Variants in OGA observed in about 807,000 individuals in gnomAD.
OGA encodes the protein O-GlcNAcase.
A neutral mutation model predicts 102.0 loss-of-function variants in OGA; 21 were observed. The observed-to-expected ratio is 0.21, with a 90% CI of 0.15 to 0.30. The LOEUF (loss-of-function observed/expected upper bound fraction) is 0.30, where lower values mean the gene tolerates loss of function less well. Among genes scored for constraint, OGA ranks in the 10% least tolerant of loss-of-function variants. The pLI, the probability that OGA is intolerant of heterozygous loss-of-function variation, is 1.00. For synonymous variants in OGA, 408 were observed against 378.2 expected, an observed-to-expected ratio of 1.08 and a Z score of -0.91; for missense variants, 765 against 1,107.8, an observed-to-expected ratio of 0.69 and a Z score of 4.39.
intron 14 of OGA, 109 bp downstream of exon 14, chr10:101,790,787 T>C: frequency 1.3e-6 from 1 of 757,192 alleles, no homozygotes; most frequent in Non-Finnish European, 2.0e-6. Flanking sequence ...ACTAAGATTT[T>C]ATGATGTATC....
intron 6 of OGA, among the ~76,000 whole-genome samples, chr10:101,805,655 CA>C (rs976862193): frequency 7.1e-3 from 575 of 80,726 alleles, no homozygotes; most frequent in Non-Finnish European, 0.011. Context: ...TGCTCTGTCT[CA>C]AAAAAAAAAA....
Position 101,786,591 on chromosome 10 carries a change from G to A in OGA, c.2615-4C>T, listed in dbSNP as rs560783908. On this transcript the variant is annotated splice_polypyrimidine_tract_variant and splice_region_variant and intron_variant, in intron 15 of 15. Coordinates refer to ENST00000361464, the MANE Select transcript of OGA (RefSeq NM_012215.5). ...TCACAGAAAGCTCCCCGGGAGCCTA[G>A]AAATAAAACAAATATTCAAAACATA... is the stretch of plus-strand genomic sequence containing the variant. 2 of 1,575,898 alleles carry A rather than the reference G, an allele frequency of 1.3e-6. No homozygotes were observed. Among genetic ancestry groups the A allele is most frequent in the African/African-American group, 2.7e-5 (2 of 72,982 alleles).
At chr10:101,815,527 G>A (rs2065610560) in intron 1 of OGA, among the ~76,000 whole-genome samples, 1 of 151,806 alleles carries the variant, frequency 6.6e-6, no homozygotes, top group African/African-American at 2.4e-5. Context: ...CTCGTGATCC[G>A]CCCGCCTCGG....
intron 1 of OGA, among the ~76,000 whole-genome samples, chr10:101,816,401 A>G (rs1252483656): frequency 6.6e-6 from 1 of 152,236 alleles, no homozygotes; most frequent in African/African-American, 2.4e-5. Flanking sequence ...AATAGGAAGA[A>G]TCGCCTTTTA....
At chr10:101,810,111 C>T (rs965794931) in intron 4 of OGA, 73 bp downstream of exon 4, 59 of 1,340,788 alleles carry the variant, frequency 4.4e-5, no homozygotes, top group Non-Finnish European at 5.4e-5. Flanking sequence ...CTTTTAACAT[C>T]GTAAAAGCAA....
Position 101,787,366 on chromosome 10 carries a change from T to C in OGA, c.2612A>G (p.Asn871Ser). 2 of 1,612,338 alleles carry C rather than the reference T, an allele frequency of 1.2e-6. No homozygotes were observed. Among genetic ancestry groups the C allele is most frequent in the Non-Finnish European group, 1.7e-6 (2 of 1,178,470 alleles). Residue 871 changes from asparagine to serine, a missense_variant and splice_region_variant, in exon 15 of 16, where the codon AAT becomes AGT. Transcript: ENST00000361464. ...CAACTCCACAAATATGTACTCACCATTAGCCTTCAGTGAAGACAGGAGGCA... is the reference window on the plus strand; with the variant it reads ...CAACTCCACAAATATGTACTCACCACTAGCCTTCAGTGAAGACAGGAGGCA... ...MACLLSSLKA[N>S]GSRGAFCEVR...
At chr10:101,812,970 T>G (rs746544137) in intron 3 of OGA, 60 bp downstream of exon 3, 2 of 1,287,354 alleles carry the variant, frequency 1.6e-6, no homozygotes, top group African/African-American at 2.9e-5. Context: ...ACAACTACAT[T>G]TAAAATATAA....
chr10:101,816,313 TCA>T (rs2065624474), intron 1 of OGA, among the ~76,000 whole-genome samples: 1 of 152,084 alleles, frequency 6.6e-6, no homozygotes, highest in Non-Finnish European at 1.5e-5. Context: ...GCTCAGGTGC[TCA>T]GTCACTAAGA....
chr10:101,788,109 C>A lies in OGA; in HGVS notation c.2455-586G>T, dbSNP rs1183309256. Reference sequence around the variant, plus strand: ...TGGCGCCACTGCACTCCAGCCTGGGCAACAGAGCGAGACTCTGTCTTAAAA... The same window carrying A: ...TGGCGCCACTGCACTCCAGCCTGGGAAACAGAGCGAGACTCTGTCTTAAAA... On this transcript the variant is annotated intron_variant, in intron 14 of 15. Transcript: ENST00000361464. 20 of 144,590 alleles carry A rather than the reference C, an allele frequency of 1.4e-4. No individual in the cohort carries two copies. The Admixed American group carries it at 1.4e-3, about 10-fold the overall frequency. The allele number at this position is 144,590 out of a possible 1,614,324, so 9.0% of individuals were successfully genotyped here. A position where few individuals can be genotyped will look rare whatever the true frequency, so the allele number is the denominator to read the frequency against.
chr10:101,791,992 AATTTAGT>A (rs1219238324), intron 12 of OGA, among the ~76,000 whole-genome samples: 1 of 151,542 alleles, frequency 6.6e-6, no homozygotes, highest in Non-Finnish European at 1.5e-5. Context: ...ACGCCCAGCT[AATTTAGT>A]ATTATTTTTT....
At chr10:101,796,157 G>A (rs575460309) in intron 10 of OGA, among the ~76,000 whole-genome samples, 1 of 152,264 alleles carries the variant, frequency 6.6e-6, no homozygotes, top group African/African-American at 2.4e-5. Flanking sequence ...TGAATTATAA[G>A]AACCTGAGCA....
At position 101,817,969 on chromosome 10, in the gene OGA, G is replaced by C. The variant is rs41291488; in HGVS notation, c.54C>G (p.Ser18Arg). 1.2e-6 allele frequency: 2 copies of C among 1,604,684 alleles called. No individual in the cohort carries two copies. The highest frequency in any genetic ancestry group is 1.7e-6 in the Non-Finnish European group (2 of 1,175,022). Residue 18 changes from serine (S) to arginine (R), a missense_variant, in exon 1 of 16, where the codon AGC (serine) becomes AGG (arginine). By Grantham distance (110) the Ser-to-Arg change is moderately radical. This residue lies in a region of OGA where 117 missense variants were observed against 85.7 expected (regional missense o/e 1.36). Transcript: ENST00000361464. ...ATLEERESEL[S>R]SNPAASAGAS... ...CCCCCGCAGAGGCGGCAGGGTTGGA[G>C]CTGAGCTCGCTCTCCCGCTCCTCCA...
chr10:101,796,337 C>T (rs1008603848), intron 10 of OGA, among the ~76,000 whole-genome samples: 6 of 152,246 alleles, frequency 3.9e-5, no homozygotes, highest in African/African-American at 1.4e-4. Context: ...TCTCGGCTCA[C>T]TGCAACCTCC....
At chr10:101,794,208 G>C (rs1302355670) in intron 10 of OGA, 3 of 360,078 alleles carry the variant, frequency 8.3e-6, no homozygotes, top group Non-Finnish European at 1.0e-5. Context: ...TGAATAATCA[G>C]TATTATCAGT....
chr10:101,816,084 C>T (rs906456778), intron 1 of OGA, among the ~76,000 whole-genome samples: 6 of 148,822 alleles, frequency 4.0e-5, no homozygotes, highest in Non-Finnish European at 8.9e-5. Context: ...CCTGCCTGGG[C>T]AACACGGTGA....
chr10:101,789,695 C>T (rs1410291365), intron 14 of OGA, among the ~76,000 whole-genome samples: 1 of 152,082 alleles, frequency 6.6e-6, no homozygotes, highest in Non-Finnish European at 1.5e-5. Context: ...ATATACTGGC[C>T]AGGCACAGTG....
chr10:101,806,523 C>T (rs1479309404), intron 5 of OGA, among the ~76,000 whole-genome samples: 1 of 152,162 alleles, frequency 6.6e-6, no homozygotes, highest in African/African-American at 2.4e-5. Flanking sequence ...AAATTATTTT[C>T]ATCTAAATGA....
At chr10:101,788,417 CG>C (rs1316246946) in intron 14 of OGA, among the ~76,000 whole-genome samples, 4 of 71,992 alleles carry the variant, frequency 5.6e-5, no homozygotes, top group African/African-American at 1.6e-4. Flanking sequence ...CCAGCCTGGG[CG>C]GGGAAAAAAA....
rs11191119 is a variant in OGA at position 101,815,962 on chromosome 10, A to G, written c.199+1862T>C. Among the ~76,000 whole-genome samples, 9 of 67,032 alleles carry G rather than the reference A, an allele frequency of 1.3e-4. 2 individuals carry two copies. The highest frequency in any genetic ancestry group is 3.9e-4 in the East Asian group (1 of 2,562). 44.0% of individuals were successfully genotyped at this position (67,032 alleles called of 152,430 possible). A position where few individuals can be genotyped will look rare whatever the true frequency, so the allele number is the denominator to read the frequency against. On this transcript the variant is annotated intron_variant, in intron 1 of 15. Coordinates refer to ENST00000361464, the MANE Select transcript of OGA (RefSeq NM_012215.5). ...GCCAACCAAGAGGTATCAAAAAGAG[A>G]GAAAAAAAAAAAAAAAAAAAAAAAA...
Sources: allele counts gnomAD v4.1 joint callset (sites outside exome capture counted in the v4.1 genomes callset), GRCh38; gene constraint gnomAD v4.1.1; regional missense constraint gnomAD v4.1.1; transcripts MANE v1.5; gene names NCBI Gene and HGNC (gene_info 2026-07-23, HGNC 2026-07-21).